FSHR: variants seen among roughly 807,000 people sequenced by gnomAD.
The protein encoded by FSHR is follicle-stimulating hormone receptor.
In FSHR, 46 loss-of-function variants were observed where a neutral mutation model predicts 52.1. The ratio of observed to expected loss-of-function variants is 0.88; its 90% CI spans 0.70 to 1.13. FSHR has a LOEUF of 1.13. Ranked by LOEUF, FSHR falls within the 50% of genes most tolerant of loss-of-function variation. The probability of loss-of-function intolerance (pLI) is 0.00; values close to 1 mark genes in which losing one functional copy is unlikely to be tolerated. For missense variants in FSHR, 964 were observed against 834.6 expected (o/e 1.16, Z -1.91); for synonymous variants, 399 against 309.6 (o/e 1.29, Z -3.03).
chr2:49,078,303 AG>A (rs1416024550), intron 1 of FSHR, among the ~76,000 whole-genome samples: 3 of 152,138 alleles, frequency 2.0e-5, no homozygotes, highest in African/African-American at 7.2e-5. Flanking sequence ...CGATCTCGTG[AG>A]ACTTATTCAC....
At chr2:49,021,859 C>CTATA (rs1215761261) in intron 2 of FSHR, among the ~76,000 whole-genome samples, 27 of 38,336 alleles carry the variant, frequency 7.0e-4, no homozygotes, top group Admixed American at 2.5e-3. Flanking sequence ...CTCTCTCTCT[C>CTATA]TCTCTATATA....
chr2:49,121,950 T>C (rs1041965266), intron 1 of FSHR, among the ~76,000 whole-genome samples: 2 of 152,202 alleles, frequency 1.3e-5, no homozygotes, highest in Non-Finnish European at 1.5e-5. Flanking sequence ...AAAATTGTCA[T>C]CCAAAGCACT....
intron 1 of FSHR, among the ~76,000 whole-genome samples, chr2:49,080,243 G>C (rs72822020): frequency 0.052 from 7,902 of 152,192 alleles, 464 homozygotes; most frequent in East Asian, 0.22. Flanking sequence ...ATTTTCTACA[G>C]TCTTGATGGA....
chr2:48,964,113 C>T, intron 9 of FSHR, 147 bp from the exon 10 acceptor site: 1 of 694,018 alleles, frequency 1.4e-6, no homozygotes. Context: ...TGAGGCTAAC[C>T]TCAAGGGTTA....
chr2:48,999,691 G>C (rs951107416), intron 4 of FSHR, among the ~76,000 whole-genome samples: 20 of 152,062 alleles, frequency 1.3e-4, no homozygotes, highest in Non-Finnish European at 4.4e-5. Context: ...ATGTTACAAT[G>C]GTCAAATACG....
chr2:49,083,471 CAG>C (rs537519410), intron 1 of FSHR, among the ~76,000 whole-genome samples: 132 of 148,694 alleles, frequency 8.9e-4, no homozygotes, highest in African/African-American at 3.2e-3. Context: ...ATCATAATGA[CAG>C]GATCAAATTC....
At chr2:49,102,450 C>T (rs973656539) in intron 1 of FSHR, among the ~76,000 whole-genome samples, 2 of 152,128 alleles carry the variant, frequency 1.3e-5, no homozygotes, top group Admixed American at 1.3e-4. Context: ...GGTTGGAGTT[C>T]AGCCAGGAGG....
chr2:49,068,108 C>G (rs1669577932), intron 2 of FSHR, 111 bp downstream of exon 2: 2 of 828,546 alleles, frequency 2.4e-6, no homozygotes, highest in Non-Finnish European at 4.2e-6. Flanking sequence ...GAAAGTTTGG[C>G]TGACCATGTC....
intron 1 of FSHR, among the ~76,000 whole-genome samples, chr2:49,099,692 G>A (rs1245036166): frequency 6.6e-6 from 1 of 152,088 alleles, no homozygotes; most frequent in African/African-American, 2.4e-5. Flanking sequence ...AAGAAAGACG[G>A]CCATATGGAA....
chr2:48,970,301 A>G (rs1213579427), intron 8 of FSHR, among the ~76,000 whole-genome samples: 1 of 151,900 alleles, frequency 6.6e-6, no homozygotes, highest in African/African-American at 2.4e-5. Flanking sequence ...TCATGCTTTT[A>G]TTTCCTCATC....
At chr2:49,095,771 A>G (rs1670803507) in intron 1 of FSHR, among the ~76,000 whole-genome samples, 1 of 152,202 alleles carries the variant, frequency 6.6e-6, no homozygotes, top group South Asian at 2.1e-4. Flanking sequence ...CAACCCAACA[A>G]CAAAGGGACA....
chr2:48,997,558 A>C (rs1051879812), intron 4 of FSHR, among the ~76,000 whole-genome samples: 2 of 151,820 alleles, frequency 1.3e-5, no homozygotes, highest in Admixed American at 1.3e-4. Flanking sequence ...TGGCCTTATC[A>C]TTTTTTAAGA....
chr2:49,019,313 C>G (rs1350694413), intron 3 of FSHR, among the ~76,000 whole-genome samples: 1 of 152,094 alleles, frequency 6.6e-6, no homozygotes, highest in Non-Finnish European at 1.5e-5. Flanking sequence ...TTATAATTCC[C>G]TGAGTTTTTA....
intron 1 of FSHR, among the ~76,000 whole-genome samples, chr2:49,135,401 A>G (rs1464237949): frequency 1.3e-5 from 2 of 152,168 alleles, no homozygotes; most frequent in Admixed American, 6.5e-5. Flanking sequence ...GAAAACAGAA[A>G]ACACTTTGAG....
At chr2:48,984,747 A>G (rs1010138462) in intron 6 of FSHR, among the ~76,000 whole-genome samples, 1 of 152,224 alleles carries the variant, frequency 6.6e-6, no homozygotes, top group African/African-American at 2.4e-5. Flanking sequence ...TAATCCATAC[A>G]GGTTCCACCT....
chr2:48,967,586 T>C (rs1674534215), intron 9 of FSHR, among the ~76,000 whole-genome samples: 1 of 152,196 alleles, frequency 6.6e-6, no homozygotes, highest in Non-Finnish European at 1.5e-5. Flanking sequence ...TGAGCTGATC[T>C]ATGAAGAGTG....
chr2:49,072,423 G>A lies in FSHR; in HGVS notation c.153-4133C>T, dbSNP rs73931519. Among the ~76,000 whole-genome samples, 1,001 of 151,984 alleles carry A rather than the reference G, an allele frequency of 6.6e-3. 10 individuals are homozygous for A. Among genetic ancestry groups the A allele is most frequent in the African/African-American group, 0.023 (939 of 41,458 alleles). On this transcript the variant is annotated intron_variant, in intron 1 of 9. Transcript: ENST00000406846. ...GATTTAAATTATTGTACCAGAAAAG[G>A]AAACAAAAAATTAGATTAAAAATTA...
chr2:49,122,104 T>A (rs1455622569), intron 1 of FSHR, among the ~76,000 whole-genome samples: 1 of 152,212 alleles, frequency 6.6e-6, no homozygotes, highest in Non-Finnish European at 1.5e-5. Flanking sequence ...GCTTTCCAAA[T>A]CCTGGCATTG....
chr2:49,086,629 T>G (rs536521284), intron 1 of FSHR, among the ~76,000 whole-genome samples: 2 of 152,278 alleles, frequency 1.3e-5, no homozygotes, highest in African/African-American at 4.8e-5. Flanking sequence ...GCATCCTTAT[T>G]TTATTTCTTA....
Sources: gnomAD v4.1 joint callset for allele counts (sites outside exome capture counted in the v4.1 genomes callset) on GRCh38, gnomAD v4.1.1 for gene constraint, MANE v1.5 for transcripts, NCBI Gene and HGNC (gene_info 2026-07-23, HGNC 2026-07-21) for gene names.